TRAPPC9: variants seen among roughly 807,000 people sequenced by gnomAD.
TRAPPC9 encodes trafficking protein particle complex subunit 9.
Under a neutral mutation model 124.0 loss-of-function variants are expected in TRAPPC9, and 83 were observed. The observed-to-expected ratio is 0.67, with a 90% CI of 0.56 to 0.80. TRAPPC9 has a LOEUF of 0.80. Ranked by LOEUF, TRAPPC9 falls within the 30% of genes least tolerant of loss-of-function variation. TRAPPC9 has a pLI of 0.00. For missense variants in TRAPPC9, 1,302 were observed against 1,508.3 expected (o/e 0.86, Z 2.27); for synonymous variants, 638 against 617.5 (o/e 1.03, Z -0.49).
In TRAPPC9 at chr8:139,852,990, C is replaced by T. The variant is rs987964584; in HGVS notation, c.3055+32889G>A. 1.2e-4 allele frequency among the ~76,000 whole-genome samples: 19 copies of T among 152,348 alleles called. 1 individual carries two copies. The highest frequency in any genetic ancestry group is 5.8e-4 in the East Asian group (3 of 5,186). On this transcript the variant is annotated intron_variant, in intron 21 of 22. Coordinates refer to ENST00000438773, the MANE Select transcript of TRAPPC9 (RefSeq NM_001160372.4). Reference sequence around the variant, plus strand: ...TGGGTCAGCCGCTGACCAAGCCATACGCTGCTGTTCGTCATTCGCAAAGGT... The same window carrying T: ...TGGGTCAGCCGCTGACCAAGCCATATGCTGCTGTTCGTCATTCGCAAAGGT...
intron 17 of TRAPPC9, among the ~76,000 whole-genome samples, chr8:140,092,180 A>AT (rs200449796): frequency 6.2e-5 from 9 of 144,810 alleles, no homozygotes; most frequent in Non-Finnish European, 7.6e-5. Flanking sequence ...ATTCTTCAAC[A>AT]TTTTTTTTTA....
intron 16 of TRAPPC9, among the ~76,000 whole-genome samples, chr8:140,229,109 C>T (rs942502812): frequency 1.3e-5 from 2 of 151,746 alleles, no homozygotes; most frequent in African/African-American, 2.4e-5. Flanking sequence ...CTAGGGACTT[C>T]TAAATATTAT....
At chr8:140,402,066 A>G (rs2069296465) in intron 6 of TRAPPC9, among the ~76,000 whole-genome samples, 1 of 151,936 alleles carries the variant, frequency 6.6e-6, no homozygotes, top group Non-Finnish European at 1.5e-5. Flanking sequence ...TGGGGCTTTC[A>G]ATATGTTTTA....
chr8:139,983,608 T>C (rs1324225317), intron 19 of TRAPPC9, among the ~76,000 whole-genome samples: 1 of 152,092 alleles, frequency 6.6e-6, no homozygotes, highest in East Asian at 1.9e-4. Flanking sequence ...AAATACTTGG[T>C]GAATTAACAA....
At chr8:139,835,403 C>A (rs528656829) in intron 21 of TRAPPC9, among the ~76,000 whole-genome samples, 1 of 152,270 alleles carries the variant, frequency 6.6e-6, no homozygotes, top group Non-Finnish European at 1.5e-5. Context: ...CAGCAAGCAT[C>A]CTCGCCGCCG....
chr8:139,976,625 C>A (rs1250616469), intron 19 of TRAPPC9, among the ~76,000 whole-genome samples: 1 of 152,232 alleles, frequency 6.6e-6, no homozygotes, highest in East Asian at 1.9e-4. Flanking sequence ...CACAAGGGAT[C>A]TGCGCACGGC....
At chr8:139,980,178 C>T (rs1836795021) in intron 19 of TRAPPC9, among the ~76,000 whole-genome samples, 1 of 152,180 alleles carries the variant, frequency 6.6e-6, no homozygotes, top group Non-Finnish European at 1.5e-5. Flanking sequence ...CCCCTCCCTG[C>T]AGCCGCCCCA....
intron 21 of TRAPPC9, among the ~76,000 whole-genome samples, chr8:139,862,479 G>A (rs1828233196): frequency 6.6e-6 from 1 of 152,218 alleles, no homozygotes; most frequent in Non-Finnish European, 1.5e-5. Context: ...GAAAGGTCAG[G>A]GGCTGTCTTT....
chr8:140,182,931 C>T lies in TRAPPC9; in HGVS notation c.2556+38528G>A, dbSNP rs1293244079. Among the ~76,000 whole-genome samples the T allele has an allele frequency of 6.6e-6, 1 of 152,118 alleles. No individual in the cohort carries two copies. The highest frequency in any genetic ancestry group is 1.5e-5 in the Non-Finnish European group (1 of 68,026). ...CCCTCCCAGAGCAGTTTGTCTGTAT[C>T]ACTATAATCAGCTTCCTATTACCTT... On this transcript the variant is annotated intron_variant, in intron 17 of 22. Transcript: ENST00000438773. This position sits in a 1 kb window ranked among gnomAD's most constrained non-coding sequence, Gnocchi z 4.0.
chr8:140,131,631 A>G (rs1295226952), intron 17 of TRAPPC9, among the ~76,000 whole-genome samples: 1 of 152,190 alleles, frequency 6.6e-6, no homozygotes, highest in Non-Finnish European at 1.5e-5. Flanking sequence ...CTGCCACCGA[A>G]AAATGAAGCA....
intron 19 of TRAPPC9, among the ~76,000 whole-genome samples, chr8:139,978,389 T>C (rs1836632157): frequency 6.6e-6 from 1 of 152,226 alleles, no homozygotes; most frequent in Non-Finnish European, 1.5e-5. Context: ...AAACACCGGC[T>C]GGGTACTTGT....
At chr8:139,969,372 G>A (rs766619391) in intron 19 of TRAPPC9, among the ~76,000 whole-genome samples, 2 of 152,184 alleles carry the variant, frequency 1.3e-5, no homozygotes, top group Non-Finnish European at 2.9e-5. Context: ...CATCTGCAGC[G>A]CCTGGTGCGT....
chr8:139,916,874 A>G (rs764829450), intron 19 of TRAPPC9, among the ~76,000 whole-genome samples: 1 of 152,324 alleles, frequency 6.6e-6, no homozygotes, highest in East Asian at 1.9e-4. Flanking sequence ...TCATTGAGAG[A>G]TAGTTGTTAG....
At chr8:140,437,177 G>A (rs1020008641) in intron 3 of TRAPPC9, among the ~76,000 whole-genome samples, 2 of 151,930 alleles carry the variant, frequency 1.3e-5, no homozygotes, top group African/African-American at 2.4e-5. Flanking sequence ...TAGAAGTGAG[G>A]TCTCCCTATG....
intron 8 of TRAPPC9, among the ~76,000 whole-genome samples, chr8:140,369,801 A>C (rs909959262): frequency 3.9e-5 from 6 of 151,956 alleles, no homozygotes; most frequent in African/African-American, 1.5e-4. Flanking sequence ...AAAATACAAA[A>C]ATTAGCTGGG....
At chr8:140,003,089 T>C (rs1450758860) in intron 18 of TRAPPC9, among the ~76,000 whole-genome samples, 2 of 152,026 alleles carry the variant, frequency 1.3e-5, no homozygotes, top group Non-Finnish European at 2.9e-5. Flanking sequence ...GAAGAAAACA[T>C]TTACAAATTA....
intron 17 of TRAPPC9, among the ~76,000 whole-genome samples, chr8:140,206,132 C>A (rs548634305): frequency 1.3e-5 from 2 of 152,032 alleles, no homozygotes; most frequent in African/African-American, 4.8e-5. Flanking sequence ...ACCACATTAA[C>A]AAAGAAAGAA....
chr8:140,442,409 C>T (rs1395670979), intron 2 of TRAPPC9, among the ~76,000 whole-genome samples: 1 of 151,830 alleles, frequency 6.6e-6, no homozygotes, highest in Admixed American at 6.6e-5. Flanking sequence ...ACCATCCTGG[C>T]TAACACGGCA....
rs953553546 is a variant in TRAPPC9 at position 140,435,117 on chromosome 8, C to G, written c.854G>C (p.Arg285Pro). 1.2e-6 allele frequency: 2 copies of G among 1,614,176 alleles called. No homozygotes were observed. The highest frequency in any genetic ancestry group is 2.7e-5 in the African/African-American group (2 of 75,056). Reference sequence around the variant, plus strand: ...GGAAAAAGGGCAGAGCTCACCTGGCCGGTGTCTATTGGCTGCTTCAGCAGG... The same window carrying G: ...GGAAAAAGGGCAGAGCTCACCTGGCGGGTGTCTATTGGCTGCTTCAGCAGG... Reference protein sequence around the residue: ...TLPAEAANRHRPGAQEVLIDP... With the variant: ...TLPAEAANRHPPGAQEVLIDP... The change falls in exon 4 of 23, where the codon CGG (arginine) becomes CCG (proline). Residue 285 changes from arginine (R) to proline (P), a missense_variant. Physicochemically the swap from Arg to Pro is moderately radical, Grantham distance 103. Coordinates refer to ENST00000438773, the MANE Select transcript of TRAPPC9 (RefSeq NM_001160372.4).
Sources: gnomAD v4.1 joint callset for allele counts (sites outside exome capture counted in the v4.1 genomes callset) on GRCh38, gnomAD v4.1.1 for gene constraint, Gnocchi (gnomAD v3.1) non-coding constraint, MANE v1.5 for transcripts, NCBI Gene and HGNC (gene_info 2026-07-23, HGNC 2026-07-21) for gene names.